DNAH5: variants seen among roughly 807,000 people sequenced by gnomAD.
DNAH5 encodes axonemal beta dynein heavy chain 5.
Under a neutral mutation model 518.2 loss-of-function variants are expected in DNAH5, and 372 were observed. The ratio of observed to expected loss-of-function variants is 0.72; its 90% CI spans 0.66 to 0.78. The LOEUF is 0.78. Among genes scored for constraint, DNAH5 ranks in the 30% least tolerant of loss-of-function variants. The pLI, the probability that DNAH5 is intolerant of heterozygous loss-of-function variation, is 0.00. For synonymous variants in DNAH5, 2,039 were observed against 2,025.9 expected (o/e 1.01, Z -0.17); for missense variants, 5,523 against 5,687.0 (o/e 0.97, Z 0.93).
chr5:13,762,643 G>A, intron 60 of DNAH5, 79 bp downstream of exon 60: 2 of 1,316,612 alleles, frequency 1.5e-6, no homozygotes, highest in South Asian at 2.4e-5. Context: ...ACAGGCACAT[G>A]TGCTCCTGTA....
chr5:13,976,069 G>C (rs1782215368), intron 1 of DNAH5, among the ~76,000 whole-genome samples: 1 of 152,198 alleles, frequency 6.6e-6, no homozygotes, highest in Admixed American at 6.5e-5. Flanking sequence ...TCTGAGGAGA[G>C]AGATACAGTG....
At chr5:13,777,620 G>A (rs925806272) in intron 53 of DNAH5, among the ~76,000 whole-genome samples, 5 of 152,094 alleles carry the variant, frequency 3.3e-5, no homozygotes, top group Non-Finnish European at 5.9e-5. Context: ...ACAACCAAAT[G>A]TCATTACATT....
At chr5:13,793,828 A>G in intron 48 of DNAH5, 100 bp from the exon 49 acceptor site, 1 of 1,556,288 alleles carries the variant, frequency 6.4e-7, no homozygotes, top group Non-Finnish European at 8.7e-7. Flanking sequence ...TGGAATTCAG[A>G]AATTATATCT....
At chr5:13,992,650 G>A (rs1160386304) in intron 1 of DNAH5, among the ~76,000 whole-genome samples, 1 of 151,924 alleles carries the variant, frequency 6.6e-6, no homozygotes, top group Non-Finnish European at 1.5e-5. Flanking sequence ...TTGTAATGGA[G>A]TTGTACTTAC....
rs549581554 is a variant in DNAH5, at chr5:13,793,428, G to T, written c.8224+87C>A. 1.1e-5 allele frequency: 12 copies of T among 1,127,330 alleles called. 1 individual carries two copies. Among genetic ancestry groups the T allele is most frequent in the South Asian group, 9.9e-5 (8 of 80,532 alleles). 69.8% of individuals were successfully genotyped at this position (1,127,330 alleles called of 1,614,324 possible). On this transcript the variant is annotated intron_variant, in intron 49 of 78. Transcript: ENST00000265104. Reference sequence around the variant, plus strand: ...CAAGGAGCCACCCAGTGCTCTTTCTGTGTGGGTCTTGGGTGAAGATTTTCA... The same window carrying T: ...CAAGGAGCCACCCAGTGCTCTTTCTTTGTGGGTCTTGGGTGAAGATTTTCA...
intron 32 of DNAH5, among the ~76,000 whole-genome samples, chr5:13,842,732 C>G (rs1293687891): frequency 6.6e-6 from 1 of 152,132 alleles, no homozygotes. Context: ...CTCACTTACA[C>G]AGACCCTTTC....
chr5:13,921,481 A>C (rs13162588), intron 5 of DNAH5, among the ~76,000 whole-genome samples: 10,717 of 39,942 alleles, frequency 0.27, 619 homozygotes, highest in Middle Eastern at 0.4. Flanking sequence ...TCTCTCACAC[A>C]CACACACACA....
chr5:13,722,715 C>G (rs927994750), intron 70 of DNAH5, among the ~76,000 whole-genome samples: 1 of 152,234 alleles, frequency 6.6e-6, no homozygotes, highest in Non-Finnish European at 1.5e-5. Context: ...CATTCCCTAA[C>G]TCATACCAGC....
At chr5:14,003,321 T>G (rs974204298) in intron 1 of DNAH5, among the ~76,000 whole-genome samples, 1 of 152,230 alleles carries the variant, frequency 6.6e-6, no homozygotes, top group Non-Finnish European at 1.5e-5. Context: ...TCATTTCTTG[T>G]TTTTTGATAG....
chr5:13,777,662 A>T (rs891484863), intron 53 of DNAH5, among the ~76,000 whole-genome samples: 1 of 152,220 alleles, frequency 6.6e-6, no homozygotes, highest in Admixed American at 6.5e-5. Context: ...ATTTTTTGAC[A>T]ATGATAAAAG....
chr5:13,994,858 C>T (rs1055003969), intron 1 of DNAH5, among the ~76,000 whole-genome samples: 1 of 152,188 alleles, frequency 6.6e-6, no homozygotes, highest in Non-Finnish European at 1.5e-5. Context: ...TGTTCGCCTG[C>T]TTAGGTTCAC....
rs1762456464 is a variant in DNAH5, at chr5:13,823,246, C to T, written c.6687+17G>A. The T allele has an allele frequency of 6.7e-7, 1 of 1,503,212 alleles. No individual in the cohort carries two copies. Among genetic ancestry groups the T allele is most frequent in the Non-Finnish European group, 9.3e-7 (1 of 1,079,006 alleles). 93.1% of individuals were successfully genotyped at this position (1,503,212 alleles called of 1,614,324 possible). On this transcript the variant is annotated intron_variant, in intron 40 of 78. Transcript: ENST00000265104. ...TGAAACAGACACCAGCCCTCGTTGC[C>T]CTGTGAAGCATATTACCTGTCTACT...
At chr5:13,958,348 T>G (rs1439845255) in intron 1 of DNAH5, among the ~76,000 whole-genome samples, 1 of 152,206 alleles carries the variant, frequency 6.6e-6, no homozygotes, top group African/African-American at 2.4e-5. Context: ...CTTGCAAGTT[T>G]AATTTGCAAA....
At position 13,864,470 on chromosome 5, in the gene DNAH5, T is replaced by C. The variant is rs1460585303; in HGVS notation, c.4523A>G (p.Asp1508Gly). The change falls in exon 28 of 79, where the codon GAT (aspartate) becomes GGT (glycine). Residue 1508 changes from aspartate to glycine, a missense_variant. Transcript: ENST00000265104. ...RITTLTGHSLDVGNESFKLRN... is the reference protein window; with the variant it reads ...RITTLTGHSLGVGNESFKLRN... ...TAACTTAAAGCTTTCATTCCCCACA[T>C]CCAGACTGTGCCCGGTGAGGGTGGT... is the stretch of plus-strand genomic sequence containing the variant. The C allele has an allele frequency of 2.5e-6, 4 of 1,614,130 alleles. No individual in the cohort carries two copies. Among genetic ancestry groups the C allele is most frequent in the South Asian group, 1.1e-5 (1 of 91,082 alleles).
chr5:13,727,714 G>A, intron 69 of DNAH5, 58 bp from the exon 70 acceptor site: 3 of 1,585,454 alleles, frequency 1.9e-6, no homozygotes, highest in East Asian at 2.2e-5. Context: ...TTCAGTAACA[G>A]GTCATAGATA....
rs201666843 is a variant in DNAH5, at chr5:13,958,106, A to AT, written c.13-26863dup. ...ACATAGGCCTTGATTTATTTAGCCA[A>AT]TTTTTTTTTTACTTTTAGATTGGTT... On this transcript the variant is annotated intron_variant, in intron 1 of 78. Coordinates refer to the DNAH5 transcript ENST00000681290. 2.5e-3 allele frequency among the ~76,000 whole-genome samples: 370 copies of AT among 149,468 alleles called. 2 individuals are homozygous for AT. The highest frequency in any genetic ancestry group is 8.4e-3 in the African/African-American group (342 of 40,942).
chr5:13,796,153 C>T (rs566876969), intron 47 of DNAH5, among the ~76,000 whole-genome samples: 100 of 152,244 alleles, frequency 6.6e-4, no homozygotes, highest in Non-Finnish European at 1.1e-3. Flanking sequence ...ACAGGGATGC[C>T]CTCTCTCACC....
chr5:13,911,294 C>G, intron 12 of DNAH5, 92 bp downstream of exon 12: 1 of 963,824 alleles, frequency 1.0e-6, no homozygotes, highest in Non-Finnish European at 1.7e-6. Flanking sequence ...GAAGATACCT[C>G]TGCCTTCTGA....
chr5:13,826,073 T>A (rs1177103019), intron 38 of DNAH5, among the ~76,000 whole-genome samples: 1 of 152,174 alleles, frequency 6.6e-6, no homozygotes, highest in African/African-American at 2.4e-5. Flanking sequence ...AACAATGACT[T>A]AAAAGTGTTG....
Sources: gnomAD v4.1 joint callset for allele counts (sites outside exome capture counted in the v4.1 genomes callset) on GRCh38, gnomAD v4.1.1 for gene constraint, MANE v1.5 for transcripts, NCBI Gene and HGNC (gene_info 2026-07-23, HGNC 2026-07-21) for gene names.